BST2: variants seen among roughly 807,000 people sequenced by gnomAD.
BST2 encodes the protein bone marrow stromal cell antigen 2.
A neutral mutation model predicts 18.6 loss-of-function variants in BST2; 10 were observed. The observed-to-expected ratio is 0.54, with a 90% CI of 0.33 to 0.91. The LOEUF (loss-of-function observed/expected upper bound fraction) is 0.91, where lower values mean the gene tolerates loss of function less well. Among genes scored for constraint, BST2 ranks in the 40% least tolerant of loss-of-function variants. BST2 has a pLI of 0.02. For missense variants in BST2, 183 were observed against 228.4 expected (o/e 0.80, Z 1.28); for synonymous variants, 75 against 96.8 (o/e 0.77, Z 1.32).
chr19:17,405,612 G>C lies in BST2; in HGVS notation c.-37C>G. 1 of 1,543,012 alleles carries C rather than the reference G, an allele frequency of 6.5e-7. No homozygotes were observed. The highest frequency in any genetic ancestry group is 8.8e-7 in the Non-Finnish European group (1 of 1,136,428). ...CTTTAGAGTCTGGCCTGGAGTTAGG[G>C]GAGGGTGCTGGAATCTTCTACGGGC... On this transcript the variant is annotated 5_prime_UTR_variant, in exon 1 of 5. Coordinates refer to ENST00000252593, the MANE Select transcript of BST2 (RefSeq NM_004335.4).
In BST2 at chr19:17,403,760, AGTCCTGGGAGCTGGG is replaced by A; in HGVS notation, c.463_477del (p.Pro155_Asp159del). ...AGCTGGGGCGCCGCAGCGGAGCTGG[AGTCCTGGGAGCTGGG>A]GTAGTACTTCTTGTCCGCGATTCTC... On this transcript the variant is annotated inframe_deletion, in exon 4 of 5. Transcript: ENST00000252593. 6.2e-7 allele frequency: 1 copy of A among 1,613,904 alleles called. No individual in the cohort carries two copies. Among genetic ancestry groups the A allele is most frequent in the Non-Finnish European group, 8.5e-7 (1 of 1,179,980 alleles).
chr19:17,404,943 T>G (rs2074717276), intron 1 of BST2, among the ~76,000 whole-genome samples: 2 of 152,142 alleles, frequency 1.3e-5, no homozygotes, highest in Admixed American at 1.3e-4. Context: ...GAATAGGGAT[T>G]TCTACTCCCC....
At position 17,405,394 on chromosome 19, in the gene BST2, A is replaced by G. The variant is rs745891415; in HGVS notation, c.182T>C (p.Met61Thr). The change falls in exon 1 of 5, where the codon ATG becomes ACG. Residue 61 changes from methionine to threonine, a missense_variant. Physicochemically the swap from Met to Thr is moderately conservative, Grantham distance 81. Coordinates refer to ENST00000252593, the MANE Select transcript of BST2 (RefSeq NM_004335.4). ...GAGATGGGTGACATTGCGACACTCCATCACTGCCCGAAGGCCGTCCCGGCA... is the reference window on the plus strand; with the variant it reads ...GAGATGGGTGACATTGCGACACTCCGTCACTGCCCGAAGGCCGTCCCGGCA... ...EACRDGLRAV[M>T]ECRNVTHLLQ... The G allele has an allele frequency of 3.1e-6, 5 of 1,614,136 alleles. No homozygotes were observed. In the Admixed American group the frequency reaches 5.0e-5, roughly 16 times the overall value.
At chr19:17,403,916 C>G in intron 3 of BST2, 92 bp from the exon 4 acceptor site, 1 of 1,504,444 alleles carries the variant, frequency 6.6e-7, no homozygotes, top group Non-Finnish European at 8.9e-7. Context: ...CCCCCCGCAC[C>G]GCCCCAATCC....
At chr19:17,404,331 A>T in intron 2 of BST2, 40 bp downstream of exon 2, 1 of 1,435,890 alleles carries the variant, frequency 7.0e-7, no homozygotes, top group Non-Finnish European at 9.7e-7. Flanking sequence ...TCCATACCTG[A>T]CTCACCCCTC....
At position 17,403,776 on chromosome 19, in the gene BST2, G is replaced by A; in HGVS notation, c.462C>T (p.Tyr154=). The A allele has an allele frequency of 6.2e-7, 1 of 1,614,014 alleles. No individual in the cohort carries two copies. Among genetic ancestry groups the A allele is most frequent in the Non-Finnish European group, 8.5e-7 (1 of 1,180,012 alleles). The change falls in exon 4 of 5, where the codon TAC becomes TAT. Residue 154 remains tyrosine (Y), a synonymous_variant. Transcript: ENST00000252593. The part of the protein sequence containing the change: ...LSVRIADKKY[Y]PSSQDSSSAA... ...CGGAGCTGGAGTCCTGGGAGCTGGG[G>A]TAGTACTTCTTGTCCGCGATTCTCA... is the stretch of plus-strand genomic sequence containing the variant.
In BST2 at chr19:17,403,208, T is replaced by G; in HGVS notation, c.*134A>C. 2 of 993,878 alleles carry G rather than the reference T, an allele frequency of 2.0e-6. No individual in the cohort carries two copies. The highest frequency in any genetic ancestry group is 2.4e-6 in the Non-Finnish European group (2 of 834,976). 61.6% of individuals were successfully genotyped at this position (993,878 alleles called of 1,614,324 possible). On this transcript the variant is annotated 3_prime_UTR_variant, in exon 5 of 5. Transcript: ENST00000252593. ...CCTCCAGACCTGCTCCAGAGGCCCT[T>G]CTCCGGCTACCCCGTGCTCTCCCCG...
chr19:17,404,487 C>G (rs754674886), intron 1 of BST2, 50 bp from the exon 2 acceptor site: 1 of 1,613,468 alleles, frequency 6.2e-7, no homozygotes, highest in Non-Finnish European at 8.5e-7. Context: ...TTGGCTGCTG[C>G]CCCTGGGACC....
rs772127484 is a variant in BST2 at position 17,404,143 on chromosome 19, C to T, written c.399G>A (p.Glu133=). The change falls in exon 3 of 5, where the codon GAG becomes GAA. Residue 133 remains glutamate (E), a synonymous_variant. Transcript: ENST00000252593. ...LNHKLQDASA[E]VERLRRENQV... is the part of the protein sequence containing the mutation. Reference sequence around the variant, plus strand: ...CTATCTCTGACCTCAGTCGCTCCACCTCTGCAGACGCGTCCTGAAGCTTAT... The same window carrying T: ...CTATCTCTGACCTCAGTCGCTCCACTTCTGCAGACGCGTCCTGAAGCTTAT... 3 of 1,593,872 alleles carry T rather than the reference C, an allele frequency of 1.9e-6. No individual in the cohort carries two copies. Among genetic ancestry groups the T allele is most frequent in the African/African-American group, 2.7e-5 (2 of 74,388 alleles).
intron 1 of BST2, chr19:17,404,654 A>C: frequency 1.5e-5 from 9 of 598,108 alleles, no homozygotes; most frequent in African/African-American, 3.7e-5. Flanking sequence ...GGTCCTCAAA[A>C]TGGGAGTTTT....
chr19:17,403,861 C>A, intron 3 of BST2, 37 bp from the exon 4 acceptor site: 1 of 1,597,426 alleles, frequency 6.3e-7, no homozygotes, highest in South Asian at 1.1e-5. Flanking sequence ...TCTGCTCGTC[C>A]TGGCTCCTGC....
chr19:17,405,283 G>A lies in BST2; in HGVS notation c.285+8C>T, dbSNP rs1406641304. 1.9e-6 allele frequency: 3 copies of A among 1,602,798 alleles called. No homozygotes were observed. The highest frequency in any genetic ancestry group is 2.2e-5 in the South Asian group (2 of 89,998). On this transcript the variant is annotated splice_region_variant and intron_variant, in intron 1 of 4. Transcript: ENST00000252593. Reference sequence around the variant, plus strand: ...TACTAGGCCATCCAAAGGAGTTGAGGAGCTTACCACAGTGTGGTTGCAGGT... The same window carrying A: ...TACTAGGCCATCCAAAGGAGTTGAGAAGCTTACCACAGTGTGGTTGCAGGT...
chr19:17,405,332 G>A lies in BST2; in HGVS notation c.244C>T (p.Gln82Ter). Residue 82 changes from glutamine (Q) to a stop codon, truncating the protein, a stop_gained, in exon 1 of 5, where the codon CAG becomes TAG. Transcript: ENST00000252593. LOFTEE classifies it high-confidence loss of function. ...GTGGCGGCCTGGGCCTCCACATCCT[G>A]AAAGCCCTTCTGGGCCTCGGTCAGC... is the stretch of plus-strand genomic sequence containing the variant. Reference protein sequence around the residue: ...QELTEAQKGFQDVEAQAATCN... With the variant: ...QELTEAQKGF 2 of 1,613,874 alleles carry A rather than the reference G, an allele frequency of 1.2e-6. No homozygotes were observed. Among genetic ancestry groups the A allele is most frequent in the Non-Finnish European group, 1.7e-6 (2 of 1,179,868 alleles).
chr19:17,403,792 G>A lies in BST2; in HGVS notation c.446C>T (p.Ala149Val), dbSNP rs375232371. The stretch of plus-strand genomic sequence containing the variant: ...GGAGCTGGGGTAGTACTTCTTGTCC[G>A]CGATTCTCACGCTTAAGACCTGGTT... Reference protein sequence around the residue: ...RENQVLSVRIADKKYYPSSQD... With the variant: ...RENQVLSVRIVDKKYYPSSQD... The change falls in exon 4 of 5, where the codon GCG becomes GTG. Residue 149 changes from alanine to valine, a missense_variant. Coordinates refer to ENST00000252593, the MANE Select transcript of BST2 (RefSeq NM_004335.4). The A allele has an allele frequency of 6.8e-6, 11 of 1,613,486 alleles. No individual in the cohort carries two copies. Among genetic ancestry groups the A allele is most frequent in the African/African-American group, 6.7e-5 (5 of 74,748 alleles).
chr19:17,403,542 C>G, intron 4 of BST2, 138 bp downstream of exon 4: 1 of 1,263,388 alleles, frequency 7.9e-7, no homozygotes, highest in South Asian at 1.6e-5. Context: ...TGGATTCTCC[C>G]TCCTTCCCCA....
In BST2 at chr19:17,403,837, T is replaced by TGGG. The variant is rs113321277; in HGVS notation, c.414-14_414-13insCCC. On this transcript the variant is annotated splice_polypyrimidine_tract_variant and intron_variant, in intron 3 of 4. Coordinates refer to ENST00000252593, the MANE Select transcript of BST2 (RefSeq NM_004335.4). ...CTGGTTTTCTCTTCTGCGGTACAGA[T>TGGG]GGCAAATCAGGCATCTGCTCGTCCT... 0.96 allele frequency: 1,548,878 copies of TGGG among 1,610,948 alleles called. 747,732 individuals carry two copies. Among genetic ancestry groups the TGGG allele is most frequent in the Non-Finnish European group, 0.98 (1,156,741 of 1,178,924 alleles).
intron 2 of BST2, 30 bp from the exon 3 acceptor site, chr19:17,404,219 G>A (rs2074713089): frequency 6.3e-7 from 1 of 1,596,842 alleles, no homozygotes; most frequent in South Asian, 1.1e-5. Flanking sequence ...GAAACAGGGG[G>A]CGGGTCAGCA....
At position 17,404,052 on chromosome 19, in the gene BST2, C is replaced by A; in HGVS notation, c.413+77G>T. On this transcript the variant is annotated intron_variant, in intron 3 of 4. Coordinates refer to ENST00000252593, the MANE Select transcript of BST2 (RefSeq NM_004335.4). Reference sequence around the variant, plus strand: ...TGGGGATTTTGGGAGCAAAGGAGATCCTGGGTCTTGGGCTAGGGATGTGGG... The same window carrying A: ...TGGGGATTTTGGGAGCAAAGGAGATACTGGGTCTTGGGCTAGGGATGTGGG... 7 of 1,475,352 alleles carry A rather than the reference C, an allele frequency of 4.7e-6. No homozygotes were observed. The South Asian group carries it at 8.4e-5, about 18-fold the overall frequency. The allele number at this position is 1,475,352 out of a possible 1,614,324, so 91.4% of individuals were successfully genotyped here.
In BST2 at chr19:17,405,465, C is replaced by T. The variant is rs763009531; in HGVS notation, c.111G>A (p.Leu37=). 15 of 1,614,136 alleles carry T rather than the reference C, an allele frequency of 9.3e-6. No homozygotes were observed. The highest frequency in any genetic ancestry group is 1.1e-5 in the Non-Finnish European group (13 of 1,180,050). The change falls in exon 1 of 5, where the codon CTG becomes CTA. Residue 37 remains leucine, a synonymous_variant. Coordinates refer to ENST00000252593, the MANE Select transcript of BST2 (RefSeq NM_004335.4). The part of the protein sequence containing the change: ...GILVLLIIVI[L]GVPLIIFTIK... ...TGGTGAAGATAATCAAGGGCACCCC[C>T]AGAATCACGATGATCAGGAGCACCA...
Sources: allele counts gnomAD v4.1 joint callset (sites outside exome capture counted in the v4.1 genomes callset), GRCh38; gene constraint gnomAD v4.1.1; transcripts MANE v1.5; gene names NCBI Gene and HGNC (gene_info 2026-07-23, HGNC 2026-07-21).